The following MRTFA variants were observed in gnomAD, a reference collection of about 807,000 sequenced individuals.
MRTFA encodes the protein myocardin-related transcription factor A.
Under a neutral mutation model 83.5 loss-of-function variants are expected in MRTFA, and 20 were observed. That is an observed-to-expected ratio of 0.24 (90% CI 0.17 to 0.35). MRTFA has a LOEUF of 0.35. MRTFA is among the 10% of genes least tolerant of loss of function. The pLI is 1.00. For missense variants in MRTFA, 1,200 were observed against 1,224.7 expected (o/e 0.98, Z 0.30); for synonymous variants, 659 against 541.2 (o/e 1.22, Z -3.02).
chr22:40,608,653 C>A (rs916446460), intron 1 of MRTFA, among the ~76,000 whole-genome samples: 7 of 152,190 alleles, frequency 4.6e-5, no homozygotes, highest in Non-Finnish European at 8.8e-5. Flanking sequence ...TACACCATGC[C>A]TCCCTACTTT....
At chr22:40,474,653 T>A (rs1195016726) in intron 3 of MRTFA, among the ~76,000 whole-genome samples, 1 of 118,080 alleles carries the variant, frequency 8.5e-6, no homozygotes, top group Non-Finnish European at 1.8e-5. Context: ...TGCCAGATAC[T>A]CTCTGTTTGT....
At chr22:40,417,654 TAGGA>T in intron 12 of MRTFA, 161 bp from the exon 13 acceptor site, 1 of 593,928 alleles carries the variant, frequency 1.7e-6, no homozygotes, top group South Asian at 2.0e-5. Flanking sequence ...AGCCACTAGG[TAGGA>T]AGGAATACAG....
intron 2 of MRTFA, among the ~76,000 whole-genome samples, chr22:40,594,070 T>A (rs2056157444): frequency 6.6e-6 from 1 of 152,186 alleles, no homozygotes; most frequent in Non-Finnish European, 1.5e-5. Flanking sequence ...AAGCCAAAGC[T>A]CTATCTGGTG....
chr22:40,586,274 AAAAAAAG>A (rs1276505978), intron 2 of MRTFA, among the ~76,000 whole-genome samples: 4 of 152,160 alleles, frequency 2.6e-5, no homozygotes, highest in African/African-American at 9.7e-5. Context: ...TTCAAAAAAA[AAAAAAAG>A]AAGGAAAGAA....
intron 2 of MRTFA, among the ~76,000 whole-genome samples, chr22:40,577,841 G>A (rs1299130483): frequency 2.0e-5 from 3 of 151,130 alleles, no homozygotes; most frequent in Admixed American, 6.6e-5. Context: ...CCTGACCTCA[G>A]GTGATTCGCC....
chr22:40,634,605 C>T (rs2056675147), intron 1 of MRTFA, among the ~76,000 whole-genome samples: 1 of 152,200 alleles, frequency 6.6e-6, no homozygotes, highest in Non-Finnish European at 1.5e-5. Flanking sequence ...AGACTGTGAG[C>T]TCCTCATGAG....
intron 2 of MRTFA, among the ~76,000 whole-genome samples, chr22:40,582,590 T>G (rs1212619865): frequency 6.6e-6 from 1 of 151,966 alleles, no homozygotes; most frequent in Non-Finnish European, 1.5e-5. Flanking sequence ...CTCTTATTCA[T>G]AGTCTAAAAA....
At chr22:40,442,866 C>T (rs1265533821) in intron 4 of MRTFA, among the ~76,000 whole-genome samples, 2 of 152,082 alleles carry the variant, frequency 1.3e-5, no homozygotes, top group African/African-American at 4.8e-5. Context: ...AAGGCAAGCT[C>T]AAAGAACTAC....
chr22:40,498,252 C>CATATATATATATATAT (rs200779719), intron 3 of MRTFA, among the ~76,000 whole-genome samples: 9 of 77,532 alleles, frequency 1.2e-4, no homozygotes, highest in African/African-American at 5.2e-4. Flanking sequence ...GTACACACTT[C>CATATATATATATATAT]ATATATATAT....
intron 1 of MRTFA, among the ~76,000 whole-genome samples, chr22:40,611,794 G>A (rs2056390884): frequency 6.6e-6 from 1 of 152,104 alleles, no homozygotes; most frequent in South Asian, 2.1e-4. Flanking sequence ...CATGAAGATG[G>A]TACACAGCTA....
At chr22:40,446,448 C>T (rs1486883182) in intron 4 of MRTFA, among the ~76,000 whole-genome samples, 1 of 152,102 alleles carries the variant, frequency 6.6e-6, no homozygotes, top group Non-Finnish European at 1.5e-5. Flanking sequence ...GGGGGAGAAA[C>T]TGTGTTCTGT....
intron 9 of MRTFA, 33 bp from the exon 10 acceptor site, chr22:40,421,133 G>T (rs373224391): frequency 2.0e-6 from 3 of 1,504,998 alleles, no homozygotes; most frequent in African/African-American, 1.4e-5. Flanking sequence ...GCCATTCAGG[G>T]GCAGCCTCAG....
At chr22:40,590,754 T>C (rs915863284) in intron 2 of MRTFA, among the ~76,000 whole-genome samples, 3 of 151,518 alleles carry the variant, frequency 2.0e-5, no homozygotes, top group Non-Finnish European at 1.5e-5. Context: ...TGAATACTTA[T>C]GCACAGAGCA....
chr22:40,434,202 G>A (rs531004121), intron 5 of MRTFA, among the ~76,000 whole-genome samples: 4 of 152,194 alleles, frequency 2.6e-5, no homozygotes, highest in Admixed American at 1.3e-4. Flanking sequence ...TCTTCTGACC[G>A]AATAGGCGCA....
rs1337313683 is a variant in MRTFA, at chr22:40,423,644, C to T, written c.819G>A (p.Met273Ile). 3.1e-6 allele frequency: 5 copies of T among 1,589,030 alleles called. No homozygotes were observed. The highest frequency in any genetic ancestry group is 1.1e-5 in the South Asian group (1 of 87,102). The change falls in exon 9 of 15, where the codon ATG (methionine) becomes ATA (isoleucine). Residue 273 changes from methionine (M) to isoleucine (I), a missense_variant. Met to Ile is a conservative substitution (Grantham distance 10, BLOSUM62 1). Around this residue, in one of 2 missense-constraint regions of MRTFA, gnomAD observed 1,107 missense variants for 1,041.8 expected, o/e 1.06. Coordinates refer to ENST00000355630, the MANE Select transcript of MRTFA (RefSeq NM_020831.6). Reference sequence around the variant, plus strand: ...GAGGAGGCTGCTCTGCCAGGAAAAGCATTTCTCTGGAATCCCGGCCCATCG... The same window carrying T: ...GAGGAGGCTGCTCTGCCAGGAAAAGTATTTCTCTGGAATCCCGGCCCATCG...
At chr22:40,537,001 C>G (rs1364253005) in intron 3 of MRTFA, among the ~76,000 whole-genome samples, 1 of 66,438 alleles carries the variant, frequency 1.5e-5, no homozygotes, top group Non-Finnish European at 3.0e-5. Flanking sequence ...CCACCCCGTC[C>G]GGGAGGGAGG....
intron 3 of MRTFA, among the ~76,000 whole-genome samples, chr22:40,500,278 C>A (rs895481374): frequency 6.7e-6 from 1 of 150,290 alleles, no homozygotes; most frequent in African/African-American, 2.4e-5. Context: ...AAAGTCTATG[C>A]CTACAAAGAG....
chr22:40,527,129 G>GAT (rs2054989262), intron 3 of MRTFA, among the ~76,000 whole-genome samples: 1 of 144,366 alleles, frequency 6.9e-6, no homozygotes, highest in Admixed American at 7.2e-5. Context: ...TCGCCTCAAA[G>GAT]ATACACACAC....
chr22:40,468,614 C>A (rs894969460), intron 3 of MRTFA, among the ~76,000 whole-genome samples: 1 of 152,168 alleles, frequency 6.6e-6, no homozygotes, highest in African/African-American at 2.4e-5. Flanking sequence ...ACTTGGCCAC[C>A]ACTTTTCAGA....
Sources: allele counts gnomAD v4.1 joint callset (sites outside exome capture counted in the v4.1 genomes callset), GRCh38; gene constraint gnomAD v4.1.1; regional missense constraint gnomAD v4.1.1; transcripts MANE v1.5; gene names NCBI Gene and HGNC (gene_info 2026-07-23, HGNC 2026-07-21).